DMD: variants seen among roughly 807,000 people sequenced by gnomAD.
DMD encodes dystrophin.
Under a neutral mutation model 330.1 loss-of-function variants are expected in DMD, and 63 were observed. That is an observed-to-expected ratio of 0.19 (90% CI 0.16 to 0.24). DMD has a LOEUF of 0.24. Ranked by LOEUF, DMD falls within the 10% of genes least tolerant of loss-of-function variation. The pLI is 1.00. For synonymous variants in DMD, 1,223 were observed against 959.8 expected (o/e 1.27, Z -5.07); for missense variants, 3,344 against 2,684.1 (o/e 1.25, Z -5.43).
At chrX:31,494,087 C>T (rs770243646) in intron 57 of DMD, among the ~76,000 whole-genome samples, 3 of 101,308 alleles carry the variant, frequency 3.0e-5, no homozygotes, top group South Asian at 5.0e-4. Flanking sequence ...AACCAGGAGG[C>T]GGAGGTTGCA....
intron 50 of DMD, among the ~76,000 whole-genome samples, chrX:31,776,298 T>C (rs2149253599): frequency 9.0e-6 from 1 of 110,736 alleles, no homozygotes; most frequent in South Asian, 3.8e-4. Context: ...TACAGCAATT[T>C]AGGAGGATTT....
At chrX:32,104,952 C>G (rs2096557717) in intron 44 of DMD, among the ~76,000 whole-genome samples, 3 of 112,211 alleles carry the variant, frequency 2.7e-5, no homozygotes, top group African/African-American at 9.7e-5. Flanking sequence ...CCTCTCCTGT[C>G]TCCCTGCTCC....
chrX:31,749,886 G>C (rs1342239061), intron 51 of DMD, among the ~76,000 whole-genome samples: 1 of 105,514 alleles, frequency 9.5e-6, no homozygotes, highest in Admixed American at 1.0e-4. Context: ...GCATTTCTCT[G>C]ATGGCCAGTG....
intron 44 of DMD, among the ~76,000 whole-genome samples, chrX:32,032,631 GA>G (rs34920155): frequency 2.7e-5 from 3 of 111,524 alleles, no homozygotes; most frequent in African/African-American, 9.8e-5. Flanking sequence ...GGTTATTTCA[GA>G]AAAAAAATTT....
chrX:33,007,935 T>C (rs2093428776), intron 2 of DMD, among the ~76,000 whole-genome samples: 1 of 111,248 alleles, frequency 9.0e-6, no homozygotes, highest in Non-Finnish European at 1.9e-5. Context: ...TTTTTTTTTC[T>C]TCAGGCCAGG....
intron 53 of DMD, among the ~76,000 whole-genome samples, chrX:31,675,593 T>A (rs1398127827): frequency 2.7e-5 from 3 of 111,050 alleles, no homozygotes; most frequent in African/African-American, 9.8e-5. Flanking sequence ...AAACTCCTGA[T>A]CTCGTGATCT....
intron 21 of DMD, 46 bp from the exon 22 acceptor site, chrX:32,472,355 C>A (rs1169931696): frequency 1.7e-6 from 2 of 1,174,180 alleles, no homozygotes; most frequent in Admixed American, 2.2e-5. Flanking sequence ...AATTGTTTCA[C>A]ACTTTGCCAT....
chrX:32,335,667 CATA>C lies in DMD; in HGVS notation c.5922+6430_5922+6432del, dbSNP rs200691011. 1.9e-4 allele frequency among the ~76,000 whole-genome samples: 19 copies of C among 98,755 alleles called. No homozygotes were observed. The East Asian group carries it at 2.8e-3, about 15-fold the overall frequency. 85.8% of individuals were successfully genotyped at this position (98,755 alleles called of 115,157 possible). ...TAACATGTTATATACATAACATATA[CATA>C]ATATGTATATATAACATATAACATG... On this transcript the variant is annotated intron_variant, in intron 41 of 78. Coordinates refer to ENST00000357033, the MANE Select transcript of DMD (RefSeq NM_004006.3).
upstream of DMD, among the ~76,000 whole-genome samples, chrX:33,212,126 G>T (rs1309788340): frequency 8.9e-6 from 1 of 112,213 alleles, no homozygotes; most frequent in Non-Finnish European, 1.9e-5. Context: ...AGGTCTCATG[G>T]GACATGTTTT....
At chrX:31,230,269 AT>A (rs2047065538) in intron 63 of DMD, among the ~76,000 whole-genome samples, 1 of 112,242 alleles carries the variant, frequency 8.9e-6, no homozygotes, top group Admixed American at 9.5e-5. Flanking sequence ...CAGTCTGTGA[AT>A]TTATAATTAC....
At chrX:32,897,661 G>A (rs921207103) in intron 2 of DMD, among the ~76,000 whole-genome samples, 4 of 112,180 alleles carry the variant, frequency 3.6e-5, no homozygotes, top group Non-Finnish European at 7.5e-5. Context: ...GGCTTATCTG[G>A]ATTTTGTATT....
Position 31,690,505 on chromosome X carries a change from T to TC in DMD, c.7661-10920_7661-10919insG, listed in dbSNP as rs1491425320. 5.4e-5 allele frequency among the ~76,000 whole-genome samples: 6 copies of TC among 111,991 alleles called. No homozygotes were observed. The Admixed American group carries it at 5.7e-4, about 11-fold the overall frequency. On this transcript the variant is annotated intron_variant, in intron 52 of 78. Coordinates refer to ENST00000357033, the MANE Select transcript of DMD (RefSeq NM_004006.3). ...AGAGGATGTGGAGAAATAGGAACACTTTACACTGTTAGTGAGACTGTAAAC... is the reference window on the plus strand; with the variant it reads ...AGAGGATGTGGAGAAATAGGAACACTCTTACACTGTTAGTGAGACTGTAAAC...
At chrX:32,835,155 A>C (rs1028804397) in intron 4 of DMD, among the ~76,000 whole-genome samples, 9 of 112,206 alleles carry the variant, frequency 8.0e-5, no homozygotes, top group Admixed American at 5.7e-4. Context: ...TTACCCATTA[A>C]ATATCTTTGA....
chrX:32,821,037 G>T (rs1433774304), intron 5 of DMD, among the ~76,000 whole-genome samples: 3 of 111,006 alleles, frequency 2.7e-5, no homozygotes, highest in Non-Finnish European at 5.7e-5. Flanking sequence ...TATATGGAAC[G>T]GGCTGAAAAT....
chrX:32,223,754 T>G (rs934781689), intron 43 of DMD, among the ~76,000 whole-genome samples: 4 of 112,038 alleles, frequency 3.6e-5, no homozygotes, highest in Non-Finnish European at 5.6e-5. Flanking sequence ...ACTTATAAAT[T>G]TCAATGATTC....
intron 43 of DMD, among the ~76,000 whole-genome samples, chrX:32,242,046 G>A (rs148356703): frequency 0.019 from 2,086 of 111,443 alleles, 46 homozygotes; most frequent in African/African-American, 0.064. Context: ...GATGATTAGG[G>A]TTATTTTTCT....
At chrX:32,054,344 T>A (rs1338835909) in intron 44 of DMD, among the ~76,000 whole-genome samples, 2 of 22,968 alleles carry the variant, frequency 8.7e-5, no homozygotes. Context: ...CCCTCCACCC[T>A]CCCCCCACCC....
intron 1 of DMD, among the ~76,000 whole-genome samples, chrX:33,204,594 C>T (rs941715796): frequency 5.4e-5 from 6 of 111,379 alleles, no homozygotes; most frequent in South Asian, 3.7e-4. Context: ...AAGTAGTTTG[C>T]GTGTGTGTGT....
At chrX:32,683,635 T>G (rs1310939123) in intron 9 of DMD, among the ~76,000 whole-genome samples, 1 of 67,122 alleles carries the variant, frequency 1.5e-5, no homozygotes, top group African/African-American at 6.3e-5. Context: ...ACACACTGGG[T>G]CCCGTAGTGG....
Sources: gnomAD v4.1 joint callset for allele counts (sites outside exome capture counted in the v4.1 genomes callset) on GRCh38, gnomAD v4.1.1 for gene constraint, MANE v1.5 for transcripts, NCBI Gene and HGNC (gene_info 2026-07-23, HGNC 2026-07-21) for gene names.